The following CPS1 variants were observed in gnomAD, a reference collection of about 807,000 sequenced individuals.
CPS1 encodes carbamoyl-phosphate synthase [ammonia], mitochondrial.
In CPS1, 109 loss-of-function variants were observed where a neutral mutation model predicts 174.6. That is an observed-to-expected ratio of 0.62 (90% CI 0.53 to 0.73). CPS1 has a LOEUF of 0.73. CPS1 is among the 30% of genes least tolerant of loss of function. The pLI is 0.00. For missense variants in CPS1, 1,689 were observed against 1,821.9 expected, an observed-to-expected ratio of 0.93 and a Z score of 1.33; for synonymous variants, 637 against 632.0, an observed-to-expected ratio of 1.01 and a Z score of -0.12.
intron 1 of CPS1, among the ~76,000 whole-genome samples, chr2:210,517,368 T>G (rs1039730468): frequency 3.3e-5 from 5 of 151,986 alleles, no homozygotes; most frequent in Non-Finnish European, 5.9e-5. Flanking sequence ...GCTCATGACT[T>G]ATTGTAAAGT....
chr2:210,501,279 A>G (rs2105962861), intron 1 of CPS1, among the ~76,000 whole-genome samples: 1 of 152,242 alleles, frequency 6.6e-6, no homozygotes, highest in Non-Finnish European at 1.5e-5. Context: ...TGTCTTGGTG[A>G]TTAACATTCT....
chr2:210,601,309 G>T (rs1475137572), intron 15 of CPS1, among the ~76,000 whole-genome samples: 1 of 151,946 alleles, frequency 6.6e-6, no homozygotes, highest in East Asian at 2.0e-4. Flanking sequence ...CTTTATTTTT[G>T]ACTTCAGGCT....
At chr2:210,496,043 A>G (rs1283755821) in intron 1 of CPS1, among the ~76,000 whole-genome samples, 3 of 151,940 alleles carry the variant, frequency 2.0e-5, no homozygotes, top group Non-Finnish European at 2.9e-5. Flanking sequence ...GCAACTTAAG[A>G]TATTTTTTAT....
chr2:210,648,624 G>C lies in CPS1; in HGVS notation c.3404+84G>C, dbSNP rs1201734509. 1.1e-5 allele frequency: 11 copies of C among 1,040,944 alleles called. No individual in the cohort carries two copies. The South Asian group carries it at 1.1e-4, about 11-fold the overall frequency. The allele number at this position is 1,040,944 out of a possible 1,614,324, so 64.5% of individuals were successfully genotyped here. A position where few individuals can be genotyped will look rare whatever the true frequency, so the allele number is the denominator to read the frequency against. On this transcript the variant is annotated intron_variant, in intron 27 of 37. Coordinates refer to ENST00000233072, the MANE Select transcript of CPS1 (RefSeq NM_001875.5). ...CATGCTGTATGCTAATAGCACTAGG[G>C]TTCTATATGTAGTAATTTATAAATC... is the stretch of plus-strand genomic sequence containing the variant.
At chr2:210,639,620 A>G (rs866653174) in intron 23 of CPS1, among the ~76,000 whole-genome samples, 7 of 141,004 alleles carry the variant, frequency 5.0e-5, no homozygotes, top group Non-Finnish European at 9.2e-5. Flanking sequence ...CTCCGTCTCA[A>G]AAAAAAAAAA....
At chr2:210,579,188 A>T (rs1315903822) in intron 4 of CPS1, among the ~76,000 whole-genome samples, 1 of 152,140 alleles carries the variant, frequency 6.6e-6, no homozygotes, top group East Asian at 1.9e-4. Context: ...TTGATTCCTA[A>T]CTCATTACTC....
chr2:210,628,345 A>G (rs1699755040), intron 21 of CPS1, among the ~76,000 whole-genome samples: 1 of 152,214 alleles, frequency 6.6e-6, no homozygotes, highest in South Asian at 2.1e-4. Flanking sequence ...ATATCAACAT[A>G]GACTGAATAT....
Position 210,675,775 on chromosome 2 carries a change from C to T in CPS1, c.4209C>T (p.Val1403=). ...ATSDWLNANN[V]PATPVAWPSQ... is the part of the protein sequence containing the mutation. Reference sequence around the variant, plus strand: ...CAGACTGGCTCAACGCCAACAATGTCCCTGCCACCCCAGTGGCATGGCCGT... The same window carrying T: ...CAGACTGGCTCAACGCCAACAATGTTCCTGCCACCCCAGTGGCATGGCCGT... Residue 1403 remains valine, a synonymous_variant, in exon 36 of 38, where the codon GTC becomes GTT. Transcript: ENST00000233072. 6.2e-7 allele frequency: 1 copy of T among 1,610,922 alleles called. No homozygotes were observed. The highest frequency in any genetic ancestry group is 1.3e-5 in the African/African-American group (1 of 74,984).
At position 210,637,880 on chromosome 2, in the gene CPS1, C is replaced by G. The variant is rs780259550; in HGVS notation, c.2829+37C>G. 7 of 1,610,996 alleles carry G rather than the reference C, an allele frequency of 4.3e-6. No individual in the cohort carries two copies. In the South Asian group the frequency reaches 7.7e-5, roughly 18 times the overall value. On this transcript the variant is annotated intron_variant, in intron 22 of 37. Coordinates refer to ENST00000233072, the MANE Select transcript of CPS1 (RefSeq NM_001875.5). ...TCCCTTTTCCCCCATCCCCCACTGA[C>G]AGGATTTCTGTGGTAAAACGTAGGC...
intron 1 of CPS1, among the ~76,000 whole-genome samples, chr2:210,536,716 C>T (rs1029695204): frequency 6.6e-6 from 1 of 152,080 alleles, no homozygotes; most frequent in Non-Finnish European, 1.5e-5. Flanking sequence ...ACTACAAATA[C>T]CAACTGTGGA....
At chr2:210,539,609 T>C (rs1696348846) in intron 1 of CPS1, among the ~76,000 whole-genome samples, 1 of 152,090 alleles carries the variant, frequency 6.6e-6, no homozygotes, top group South Asian at 2.1e-4. Flanking sequence ...ATCTGGTTGT[T>C]TAGTTTACAT....
intron 1 of CPS1, among the ~76,000 whole-genome samples, chr2:210,557,094 C>G (rs796114395): frequency 6.6e-6 from 1 of 151,928 alleles, no homozygotes; most frequent in Non-Finnish European, 1.5e-5. Context: ...TTCTTGTGAA[C>G]ATGTAAAATG....
chr2:210,577,651 C>T, intron 4 of CPS1, 141 bp downstream of exon 4: 1 of 747,082 alleles, frequency 1.3e-6, no homozygotes, highest in South Asian at 1.4e-5. Context: ...TCTCTTACTA[C>T]ATAAAGGCTG....
intron 3 of CPS1, 180 bp from the exon 4 acceptor site, chr2:210,577,241 G>GC: frequency 1.6e-6 from 1 of 621,012 alleles, no homozygotes. Flanking sequence ...GATAATTAAT[G>GC]CAACAATTAC....
chr2:210,603,368 G>A (rs1358638197), intron 16 of CPS1, among the ~76,000 whole-genome samples: 3 of 151,804 alleles, frequency 2.0e-5, no homozygotes, highest in Admixed American at 6.6e-5. Context: ...AACTACAATG[G>A]CAGACTTACA....
intron 1 of CPS1, among the ~76,000 whole-genome samples, chr2:210,486,115 T>C (rs62203677): frequency 1.1e-4 from 15 of 135,660 alleles, no homozygotes; most frequent in African/African-American, 2.0e-4. Context: ...CACACACACA[T>C]ACACACACAC....
At chr2:210,635,004 C>T (rs1257480320) in intron 21 of CPS1, among the ~76,000 whole-genome samples, 1 of 152,108 alleles carries the variant, frequency 6.6e-6, no homozygotes, top group Non-Finnish European at 1.5e-5. Flanking sequence ...AGTGCAGTGG[C>T]GTGATCTCGG....
intron 1 of CPS1, among the ~76,000 whole-genome samples, chr2:210,525,239 A>T (rs1009069707): frequency 2.6e-5 from 4 of 151,850 alleles, no homozygotes; most frequent in African/African-American, 9.7e-5. Flanking sequence ...TAGTATATAT[A>T]AGCATATATA....
At position 210,532,482 on chromosome 2, in the gene CPS1, G is replaced by A. The variant is rs1268431378; in HGVS notation, c.4-24237G>A. Among the ~76,000 whole-genome samples, 3 of 151,978 alleles carry A rather than the reference G, an allele frequency of 2.0e-5. No homozygotes were observed. The South Asian group carries it at 6.2e-4, about 32-fold the overall frequency. ...ATCTGAAGTAACTGCAGATTTTTCT[G>A]TTTCTCTACTGTATCCTCTTAGGAC... On this transcript the variant is annotated intron_variant, in intron 1 of 38. Transcript: ENST00000430249.
Sources: gnomAD v4.1 joint callset for allele counts (sites outside exome capture counted in the v4.1 genomes callset) on GRCh38, gnomAD v4.1.1 for gene constraint, MANE v1.5 for transcripts, NCBI Gene and HGNC (gene_info 2026-07-23, HGNC 2026-07-21) for gene names.